Variants in MECOM observed in about 807,000 individuals in gnomAD.
The protein encoded by MECOM is histone-lysine N-methyltransferase MECOM.
In MECOM, 13 loss-of-function variants were observed where a neutral mutation model predicts 116.3. That is an observed-to-expected ratio of 0.11 (90% CI 0.07 to 0.18). The LOEUF (loss-of-function observed/expected upper bound fraction) is 0.18, where lower values mean the gene tolerates loss of function less well. MECOM is among the 10% of genes least tolerant of loss of function. The pLI, the probability that MECOM is intolerant of heterozygous loss-of-function variation, is 1.00. For missense variants in MECOM, 1,299 were observed against 1,509.0 expected (o/e 0.86, Z 2.31); for synonymous variants, 528 against 535.2 (o/e 0.99, Z 0.19).
At chr3:169,553,108 T>A (rs1761601751) in intron 1 of MECOM, among the ~76,000 whole-genome samples, 1 of 152,094 alleles carries the variant, frequency 6.6e-6, no homozygotes, top group South Asian at 2.1e-4. Context: ...TCATTCTACC[T>A]TAGACTCAAG....
At chr3:169,549,229 C>G (rs1394612277) in intron 1 of MECOM, among the ~76,000 whole-genome samples, 1 of 152,084 alleles carries the variant, frequency 6.6e-6, no homozygotes, top group East Asian at 1.9e-4. Context: ...ACCTTGGCCT[C>G]CCAAAGTGCT....
chr3:169,376,618 A>C (rs1205909791), intron 2 of MECOM, among the ~76,000 whole-genome samples: 1 of 152,184 alleles, frequency 6.6e-6, no homozygotes, highest in African/African-American at 2.4e-5. Context: ...AATACTACTT[A>C]AAAGGGAAGT....
At chr3:169,410,020 C>T (rs897041450) in intron 1 of MECOM, among the ~76,000 whole-genome samples, 5 of 152,122 alleles carry the variant, frequency 3.3e-5, no homozygotes, top group African/African-American at 1.2e-4. Flanking sequence ...AATCTGAGGC[C>T]TAATTTGCCT....
chr3:169,378,451 AGG>A (rs1491241498), intron 2 of MECOM, among the ~76,000 whole-genome samples: 22 of 44,812 alleles, frequency 4.9e-4, no homozygotes, highest in African/African-American at 7.2e-4. Context: ...GAAAGAAAGA[AGG>A]AAAGCAAGCA....
At chr3:169,528,817 C>A (rs1417430609) in intron 1 of MECOM, among the ~76,000 whole-genome samples, 1 of 152,202 alleles carries the variant, frequency 6.6e-6, no homozygotes, top group African/African-American at 2.4e-5. Flanking sequence ...CCTGGAAAAT[C>A]TTAAAACATT....
At chr3:169,445,394 G>A (rs1365599268) in intron 1 of MECOM, among the ~76,000 whole-genome samples, 3 of 152,206 alleles carry the variant, frequency 2.0e-5, no homozygotes, top group South Asian at 4.1e-4. Context: ...TGGCTTCAGA[G>A]GGTGGAAGCC....
chr3:169,241,115 C>T (rs1754743212), intron 2 of MECOM, among the ~76,000 whole-genome samples: 1 of 152,084 alleles, frequency 6.6e-6, no homozygotes, highest in African/African-American at 2.4e-5. Context: ...TACCTTTACC[C>T]TATTATTAAG....
intron 2 of MECOM, among the ~76,000 whole-genome samples, chr3:169,239,682 T>C (rs977450873): frequency 3.3e-5 from 5 of 152,082 alleles, no homozygotes; most frequent in Admixed American, 1.3e-4. Context: ...CCTACATTAA[T>C]CTATTAATGT....
chr3:169,342,090 C>G (rs541810416), intron 2 of MECOM, among the ~76,000 whole-genome samples: 2 of 151,984 alleles, frequency 1.3e-5, no homozygotes, highest in Non-Finnish European at 2.9e-5. Context: ...TCTGTATATA[C>G]TTTTCAAGAT....
intron 2 of MECOM, among the ~76,000 whole-genome samples, chr3:169,316,363 C>T (rs1402577918): frequency 1.3e-5 from 2 of 152,170 alleles, no homozygotes; most frequent in Non-Finnish European, 2.9e-5. Flanking sequence ...TACCCAGATA[C>T]TAAACAGTTT....
At chr3:169,276,918 C>G (rs767832082) in intron 2 of MECOM, among the ~76,000 whole-genome samples, 1 of 151,806 alleles carries the variant, frequency 6.6e-6, no homozygotes, top group Non-Finnish European at 1.5e-5. Flanking sequence ...TATAAAGTAT[C>G]TACTATTATT....
At chr3:169,183,349 C>T (rs1341851828) in intron 2 of MECOM, among the ~76,000 whole-genome samples, 1 of 152,100 alleles carries the variant, frequency 6.6e-6, no homozygotes, top group Non-Finnish European at 1.5e-5. Context: ...GTCTCTCATC[C>T]CATTAATTCA....
intron 2 of MECOM, chr3:169,147,879 G>C (rs2149315126): frequency 4.1e-6 from 1 of 246,298 alleles, no homozygotes; most frequent in Non-Finnish European, 6.4e-6. Context: ...GGGAGAGGTA[G>C]TGCTGGAGTG....
chr3:169,651,180 ATG>A, intron 1 of MECOM, among the ~76,000 whole-genome samples: 1 of 152,304 alleles, frequency 6.6e-6, no homozygotes. Flanking sequence ...ACATTGAGGT[ATG>A]TCCCTTAAAT....
chr3:169,463,453 G>A (rs1747788823), intron 1 of MECOM, among the ~76,000 whole-genome samples: 1 of 152,164 alleles, frequency 6.6e-6, no homozygotes, highest in Non-Finnish European at 1.5e-5. Flanking sequence ...AAGGTGTTAA[G>A]CAATATTTAA....
At chr3:169,281,826 T>TA (rs1560083944) in intron 2 of MECOM, among the ~76,000 whole-genome samples, 2 of 151,800 alleles carry the variant, frequency 1.3e-5, no homozygotes, top group Non-Finnish European at 2.9e-5. Context: ...AAATTTTTTT[T>TA]AAAAAAAGAC....
chr3:169,336,850 C>T (rs1466224563), intron 2 of MECOM, among the ~76,000 whole-genome samples: 1 of 152,078 alleles, frequency 6.6e-6, no homozygotes, highest in Non-Finnish European at 1.5e-5. Flanking sequence ...AGAGATACTA[C>T]CTTTATGTAA....
At chr3:169,329,257 A>T (rs1413502101) in intron 2 of MECOM, among the ~76,000 whole-genome samples, 1 of 152,234 alleles carries the variant, frequency 6.6e-6, no homozygotes, top group East Asian at 1.9e-4. Context: ...TGATTCAAAA[A>T]ATAATTGAAG....
intron 2 of MECOM, among the ~76,000 whole-genome samples, chr3:169,322,273 T>G (rs1341681658): frequency 6.6e-6 from 1 of 152,172 alleles, no homozygotes; most frequent in East Asian, 1.9e-4. Context: ...ATTTGAGATG[T>G]GATGGAACCT....
Sources: gnomAD v4.1 joint callset for allele counts (sites outside exome capture counted in the v4.1 genomes callset) on GRCh38, gnomAD v4.1.1 for gene constraint, MANE v1.5 for transcripts, NCBI Gene and HGNC (gene_info 2026-07-23, HGNC 2026-07-21) for gene names.